The following PCDHGB7 variants were observed in gnomAD, a reference collection of about 807,000 sequenced individuals.
The protein encoded by PCDHGB7 is protocadherin gamma-B7.
In PCDHGB7, 37 loss-of-function variants were observed where a neutral mutation model predicts 61.4. That is an observed-to-expected ratio of 0.60 (90% CI 0.46 to 0.79). The LOEUF (loss-of-function observed/expected upper bound fraction) is 0.79. PCDHGB7 is among the 30% of genes least tolerant of loss of function. PCDHGB7 has a pLI of 0.00. For missense variants in PCDHGB7, 1,166 were observed against 1,202.5 expected (o/e 0.97, Z 0.45); for synonymous variants, 464 against 503.5 (o/e 0.92, Z 1.05).
rs1260025037 is a variant in PCDHGB7 at position 141,417,963 on chromosome 5, A to C, written c.104A>C (p.Tyr35Ser). Residue 35 changes from tyrosine to serine, a missense_variant, in exon 1 of 4, where the codon TAC (tyrosine) becomes TCC (serine). Coordinates refer to ENST00000398594, the MANE Select transcript of PCDHGB7 (RefSeq NM_018927.4). ...CCCACGCTGTGTGAGCCGATCCGCT[A>C]CTCGATTCCGGAGGAGCTGGCCAAG... Reference protein sequence around the residue: ...FYPTLCEPIRYSIPEELAKGS... With the variant: ...FYPTLCEPIRSSIPEELAKGS... 1 of 1,613,258 alleles carries C rather than the reference A, an allele frequency of 6.2e-7. No individual in the cohort carries two copies. The highest frequency in any genetic ancestry group is 8.5e-7 in the Non-Finnish European group (1 of 1,179,610).
intron 1 of PCDHGB7, chr5:141,427,619 C>T: frequency 1.4e-6 from 1 of 696,342 alleles, no homozygotes; most frequent in Non-Finnish European, 2.6e-6. Context: ...AAGTCAACGA[C>T]AATGCTCCGG....
intron 1 of PCDHGB7, chr5:141,423,804 T>A: frequency 8.1e-7 from 1 of 1,240,508 alleles, no homozygotes; most frequent in Non-Finnish European, 1.0e-6. Context: ...GAGCAATACA[T>A]GTGAGTTTTA....
intron 1 of PCDHGB7, among the ~76,000 whole-genome samples, chr5:141,437,426 C>T (rs531265278): frequency 6.6e-6 from 1 of 152,268 alleles, no homozygotes; most frequent in South Asian, 2.1e-4. Flanking sequence ...CTTTTTGAAG[C>T]AGCAATAGCA....
intron 1 of PCDHGB7, among the ~76,000 whole-genome samples, chr5:141,437,811 C>A (rs964885701): frequency 6.6e-6 from 1 of 150,864 alleles, no homozygotes; most frequent in African/African-American, 2.4e-5. Flanking sequence ...TATCTTGGCT[C>A]ACTGCAACCT....
At position 141,418,042 on chromosome 5, in the gene PCDHGB7, G is replaced by A; in HGVS notation, c.183G>A (p.Val61=). 1 of 1,614,014 alleles carries A rather than the reference G, an allele frequency of 6.2e-7. No individual in the cohort carries two copies. The highest frequency in any genetic ancestry group is 1.1e-5 in the South Asian group (1 of 91,080). The change falls in exon 1 of 4, where the codon GTG becomes GTA. Residue 61 remains valine, a synonymous_variant. Coordinates refer to ENST00000398594, the MANE Select transcript of PCDHGB7 (RefSeq NM_018927.4). Reference sequence around the variant, plus strand: ...ATCTAGGGCTTAGTGTCCTGGATGTGTCGGCTCGCGAGCTGCGAGTGAGCG... The same window carrying A: ...ATCTAGGGCTTAGTGTCCTGGATGTATCGGCTCGCGAGCTGCGAGTGAGCG... ...AKDLGLSVLD[V]SARELRVSAE...
At chr5:141,507,531 C>T (rs1467914007) in intron 3 of PCDHGB7, among the ~76,000 whole-genome samples, 3 of 151,964 alleles carry the variant, frequency 2.0e-5, no homozygotes, top group African/African-American at 7.2e-5. Flanking sequence ...CCAGAGAGGC[C>T]AGAGACTGAG....
chr5:141,443,385 T>G (rs2098386152), intron 1 of PCDHGB7, among the ~76,000 whole-genome samples: 2 of 151,940 alleles, frequency 1.3e-5, no homozygotes, highest in African/African-American at 4.8e-5. Flanking sequence ...CTTGGGAGGC[T>G]GAGGTGTGAG....
chr5:141,423,603 C>G, intron 1 of PCDHGB7: 1 of 1,612,584 alleles, frequency 6.2e-7, no homozygotes. Flanking sequence ...GCGAGCCACT[C>G]TTGATAGCTG....
chr5:141,420,920 A>G, intron 1 of PCDHGB7: 1 of 338,894 alleles, frequency 3.0e-6, no homozygotes, highest in Middle Eastern at 8.3e-4. Flanking sequence ...GTGATTCACA[A>G]AGGTGAGCGT....
At chr5:141,455,186 C>T (rs1436215310) in intron 1 of PCDHGB7, among the ~76,000 whole-genome samples, 3 of 151,542 alleles carry the variant, frequency 2.0e-5, no homozygotes, top group Non-Finnish European at 2.9e-5. Context: ...TTTTATTTCT[C>T]TACAAATTTA....
chr5:141,417,770 T>G lies in PCDHGB7; in HGVS notation c.-90T>G. ...TGCCAGCTCCGAGACCCGGGACTCCTCCTGTCCTGGGCCGAATGCTCTTTT... is the reference window on the plus strand; with the variant it reads ...TGCCAGCTCCGAGACCCGGGACTCCGCCTGTCCTGGGCCGAATGCTCTTTT... On this transcript the variant is annotated 5_prime_UTR_variant, in exon 1 of 4. Coordinates refer to ENST00000398594, the MANE Select transcript of PCDHGB7 (RefSeq NM_018927.4). 1 of 1,456,418 alleles carries G rather than the reference T, an allele frequency of 6.9e-7. No individual in the cohort carries two copies. The highest frequency in any genetic ancestry group is 9.1e-7 in the Non-Finnish European group (1 of 1,102,146). 90.2% of individuals were successfully genotyped at this position (1,456,418 alleles called of 1,614,324 possible). A position where few individuals can be genotyped will look rare whatever the true frequency, so the allele number is the denominator to read the frequency against.
In PCDHGB7 at chr5:141,505,380, A is replaced by C; in HGVS notation, c.2475-13A>C. On this transcript the variant is annotated splice_polypyrimidine_tract_variant and intron_variant, in intron 2 of 3. Coordinates refer to ENST00000398594, the MANE Select transcript of PCDHGB7 (RefSeq NM_018927.4). ...CCTGGGAGTCTGTGCTCACCATCCT[A>C]CTCTCTCCCCAGCTCCCAAAATGGC... 1 of 1,613,480 alleles carries C rather than the reference A, an allele frequency of 6.2e-7. No homozygotes were observed. Among genetic ancestry groups the C allele is most frequent in the Non-Finnish European group, 8.5e-7 (1 of 1,179,856 alleles).
Position 141,491,324 on chromosome 5 carries a change from T to C in PCDHGB7, c.2416-3483T>C, listed in dbSNP as rs762200164. 16 of 1,614,060 alleles carry C rather than the reference T, an allele frequency of 9.9e-6. No homozygotes were observed. The highest frequency in any genetic ancestry group is 8.3e-5 in the Admixed American group (5 of 60,010). On this transcript the variant is annotated intron_variant, in intron 1 of 3. Transcript: ENST00000398594. This position sits in a 1 kb window ranked among gnomAD's most constrained non-coding sequence, Gnocchi z 6.9. ...CGTTCAGACCTTACCCTTTACCTCA[T>C]TGTGGCTCTAGCGACCGTCAGTCTC...
At position 141,419,470 on chromosome 5, in the gene PCDHGB7, G is replaced by A. The variant is rs2096387963; in HGVS notation, c.1611G>A (p.Gln537=). The A allele has an allele frequency of 6.2e-7, 1 of 1,612,362 alleles. No individual in the cohort carries two copies. The highest frequency in any genetic ancestry group is 1.3e-5 in the African/African-American group (1 of 74,936). Reference sequence around the variant, plus strand: ...AGCTCACGCTGCAGGCCCGCGACCAGGGCTCGCCCGCGCTCAGCGCCAATG... The same window carrying A: ...AGCTCACGCTGCAGGCCCGCGACCAAGGCTCGCCCGCGCTCAGCGCCAATG... ...TFELTLQARD[Q]GSPALSANVS... The change falls in exon 1 of 4, where the codon CAG becomes CAA. Residue 537 remains glutamine, a synonymous_variant. Transcript: ENST00000398594.
At chr5:141,433,397 A>C (rs189987785) in intron 1 of PCDHGB7, among the ~76,000 whole-genome samples, 2 of 150,410 alleles carry the variant, frequency 1.3e-5, no homozygotes, top group African/African-American at 4.9e-5. Context: ...CTATCTATCT[A>C]TCTATCTATT....
rs1243327893 is a variant in PCDHGB7, at chr5:141,491,671, C to A, written c.2416-3136C>A. 2.5e-6 allele frequency: 4 copies of A among 1,613,366 alleles called. No homozygotes were observed. Among genetic ancestry groups the A allele is most frequent in the Non-Finnish European group, 3.4e-6 (4 of 1,179,808 alleles). On this transcript the variant is annotated intron_variant, in intron 1 of 3. Coordinates refer to ENST00000398594, the MANE Select transcript of PCDHGB7 (RefSeq NM_018927.4). The surrounding 1 kb of genome is among the most constrained non-coding windows in gnomAD (Gnocchi z 6.9). Reference sequence around the variant, plus strand: ...GCTGGAGCCTGACGCCATCCGGTCCCGCTCTAATACGCTGCGGGAGCGGAG... The same window carrying A: ...GCTGGAGCCTGACGCCATCCGGTCCAGCTCTAATACGCTGCGGGAGCGGAG...
In PCDHGB7 at chr5:141,433,358, C is replaced by CCTATCTATCTATCTAT. The variant is rs3074541; in HGVS notation, c.2415+13117_2415+13132dup. ...ACAGGTGCAAGCCACCTACTGTCTG[C>CCTATCTATCTATCTAT]CTATCTATCTATCTATCTATCTATC... On this transcript the variant is annotated intron_variant, in intron 1 of 3. Coordinates refer to ENST00000398594, the MANE Select transcript of PCDHGB7 (RefSeq NM_018927.4). 1.1e-3 allele frequency: 566 copies of CCTATCTATCTATCTAT among 504,038 alleles called. 2 individuals carry two copies. The highest frequency in any genetic ancestry group is 1.7e-3 in the East Asian group (49 of 28,778). The allele number at this position is 504,038 out of a possible 1,614,324, so 31.2% of individuals were successfully genotyped here.
Position 141,493,508 on chromosome 5 carries a change from C to T in PCDHGB7, c.2416-1299C>T, listed in dbSNP as rs2099748607. 1.3e-5 allele frequency among the ~76,000 whole-genome samples: 2 copies of T among 152,284 alleles called. No homozygotes were observed. The highest frequency in any genetic ancestry group is 4.1e-4 in the South Asian group (2 of 4,820). On this transcript the variant is annotated intron_variant, in intron 1 of 3. Transcript: ENST00000398594. The surrounding 1 kb of genome is among the most constrained non-coding windows in gnomAD (Gnocchi z 4.3). Reference sequence around the variant, plus strand: ...TCTTCTGTGGCTCCTCATTTCTGAGCAGTCCCCGCAGCGCAAACTTGGCCA... The same window carrying T: ...TCTTCTGTGGCTCCTCATTTCTGAGTAGTCCCCGCAGCGCAAACTTGGCCA...
intron 1 of PCDHGB7, chr5:141,422,103 A>C: frequency 6.2e-7 from 1 of 1,608,206 alleles, no homozygotes; most frequent in Admixed American, 1.7e-5. Context: ...CTTCTGAAAT[A>C]TTCCAATTGG....
Sources: allele counts gnomAD v4.1 joint callset (sites outside exome capture counted in the v4.1 genomes callset), GRCh38; gene constraint gnomAD v4.1.1; non-coding constraint Gnocchi (gnomAD v3.1); transcripts MANE v1.5; gene names NCBI Gene and HGNC (gene_info 2026-07-23, HGNC 2026-07-21).